Variants in PARM1 observed in about 807,000 individuals in gnomAD.
PARM1 encodes prostate androgen-regulated mucin-like protein 1.
Under a neutral mutation model 24.6 loss-of-function variants are expected in PARM1, and 14 were observed. The ratio of observed to expected loss-of-function variants is 0.57; its 90% CI spans 0.38 to 0.89. The LOEUF is 0.89. Ranked by LOEUF, PARM1 falls within the 40% of genes least tolerant of loss-of-function variation. The pLI is 0.00. For missense variants in PARM1, 362 were observed against 380.4 expected, an observed-to-expected ratio of 0.95 and a Z score of 0.40; for synonymous variants, 179 against 156.6, an observed-to-expected ratio of 1.14 and a Z score of -1.07.
Position 75,012,793 on chromosome 4 carries a change from C to T in PARM1, c.412C>T (p.Leu138=), listed in dbSNP as rs762585141. 2 of 1,614,020 alleles carry T rather than the reference C, an allele frequency of 1.2e-6. No homozygotes were observed. The highest frequency in any genetic ancestry group is 1.1e-5 in the South Asian group (1 of 91,078). Residue 138 remains leucine, a synonymous_variant, in exon 2 of 4, where the codon CTG becomes TTG. Coordinates refer to ENST00000307428, the MANE Select transcript of PARM1 (RefSeq NM_015393.4). ...GTPEAGVAAT[L]SQSAAEPPTL... ...TCCTGAAGCAGGCGTGGCAGCTACA[C>T]TGTCGCAGTCCGCTGCTGAGCCTCC...
intron 1 of PARM1, among the ~76,000 whole-genome samples, chr4:74,943,474 T>C (rs1169759065): frequency 1.3e-5 from 2 of 152,078 alleles, no homozygotes. Flanking sequence ...CAGGTGCTTA[T>C]GTCTAGTGCT....
chr4:75,042,575 C>G lies in PARM1; in HGVS notation c.849-3588C>G, dbSNP rs144026367. On this transcript the variant is annotated intron_variant, in intron 3 of 3. Transcript: ENST00000307428. ...TGGGAGTTGCTTTGTTTTTTGGTTT[C>G]TGATTGTCTTTTTTTTTTTAACCTC... Among the ~76,000 whole-genome samples the G allele has an allele frequency of 7.9e-3, 1,207 of 151,826 alleles. 17 individuals are homozygous for G. Among genetic ancestry groups the G allele is most frequent in the African/African-American group, 0.027 (1,128 of 41,446 alleles).
intron 1 of PARM1, among the ~76,000 whole-genome samples, chr4:74,993,554 C>T (rs1252888087): frequency 1.3e-5 from 2 of 152,092 alleles, no homozygotes; most frequent in African/African-American, 4.8e-5. Flanking sequence ...ACTGATACAT[C>T]AGGAGAAGTG....
intron 1 of PARM1, among the ~76,000 whole-genome samples, chr4:74,992,561 G>T (rs1165251880): frequency 6.6e-6 from 1 of 152,040 alleles, no homozygotes. Flanking sequence ...AATTTTTTAA[G>T]GCCAATGGGG....
intron 1 of PARM1, among the ~76,000 whole-genome samples, chr4:74,955,661 C>T (rs75913391): frequency 6.6e-6 from 1 of 152,140 alleles, no homozygotes; most frequent in Non-Finnish European, 1.5e-5. Context: ...TTTTTTGTGG[C>T]CGTAGCTTCC....
intron 3 of PARM1, among the ~76,000 whole-genome samples, chr4:75,037,635 A>C (rs1723398117): frequency 1.3e-5 from 2 of 152,150 alleles, no homozygotes; most frequent in Non-Finnish European, 2.9e-5. Flanking sequence ...AACTGCCCTG[A>C]ACCCAGGGCC....
intron 1 of PARM1, among the ~76,000 whole-genome samples, chr4:74,940,911 G>A (rs184134851): frequency 2.6e-5 from 4 of 152,332 alleles, no homozygotes; most frequent in Admixed American, 1.3e-4. Flanking sequence ...AATGTAATGT[G>A]TCTTATTAGG....
chr4:75,008,413 C>A lies in PARM1; in HGVS notation c.44-4012C>A, dbSNP rs537755058. On this transcript the variant is annotated intron_variant, in intron 1 of 3. Transcript: ENST00000307428. Reference sequence around the variant, plus strand: ...GATATTTCCAGCAACAAAACCAATTCTCAGAGCTTGTCATTTTCAGCACTG... The same window carrying A: ...GATATTTCCAGCAACAAAACCAATTATCAGAGCTTGTCATTTTCAGCACTG... 2.6e-5 allele frequency among the ~76,000 whole-genome samples: 4 copies of A among 152,328 alleles called. No homozygotes were observed. The East Asian group carries it at 7.7e-4, about 29-fold the overall frequency.
intron 1 of PARM1, chr4:74,993,953 G>A (rs1722524753): frequency 6.6e-6 from 1 of 152,098 alleles, no homozygotes; most frequent in Non-Finnish European, 1.5e-5. Flanking sequence ...CTAAGGAACA[G>A]ACAATAGAAG....
intron 2 of PARM1, among the ~76,000 whole-genome samples, chr4:75,025,619 C>A (rs1209453639): frequency 6.6e-6 from 1 of 152,170 alleles, no homozygotes; most frequent in Non-Finnish European, 1.5e-5. Context: ...TGCAAATGTG[C>A]GCTCCCCAGG....
intron 3 of PARM1, among the ~76,000 whole-genome samples, 197 bp from the exon 4 acceptor site, chr4:75,045,966 C>T (rs1371465614): frequency 9.2e-5 from 14 of 152,172 alleles, no homozygotes; most frequent in Admixed American, 6.5e-4. Flanking sequence ...AGGATCCTAG[C>T]AGGAAGAGTT....
chr4:74,938,845 C>CTT (rs1721245357), intron 1 of PARM1, among the ~76,000 whole-genome samples: 1 of 152,048 alleles, frequency 6.6e-6, no homozygotes, highest in Non-Finnish European at 1.5e-5. Flanking sequence ...TAATAGAAGT[C>CTT]TTTAAAATGA....
chr4:74,933,654 TG>T (rs1196616845), intron 1 of PARM1, among the ~76,000 whole-genome samples: 9 of 152,102 alleles, frequency 5.9e-5, no homozygotes, highest in African/African-American at 1.9e-4. Context: ...GAACCCAGAG[TG>T]GGCAACACGG....
At chr4:75,033,405 G>A (rs886141885) in intron 2 of PARM1, among the ~76,000 whole-genome samples, 4 of 151,712 alleles carry the variant, frequency 2.6e-5, no homozygotes, top group African/African-American at 9.7e-5. Flanking sequence ...TGAAAAAACC[G>A]AAAAAAACAT....
chr4:74,980,645 G>A (rs941746056), intron 1 of PARM1, among the ~76,000 whole-genome samples: 5 of 152,052 alleles, frequency 3.3e-5, no homozygotes, highest in Non-Finnish European at 5.9e-5. Flanking sequence ...AAAATAGCCC[G>A]TATAGCCAAG....
intron 3 of PARM1, among the ~76,000 whole-genome samples, chr4:75,035,502 T>G (rs1170982967): frequency 1.3e-5 from 2 of 152,074 alleles, no homozygotes; most frequent in East Asian, 3.9e-4. Flanking sequence ...TGTCCTTCCC[T>G]CCTGCTCTTG....
intron 1 of PARM1, among the ~76,000 whole-genome samples, chr4:74,998,451 T>C (rs911199081): frequency 1.3e-5 from 2 of 152,212 alleles, no homozygotes; most frequent in Admixed American, 1.3e-4. Flanking sequence ...TTATACAAAA[T>C]GAGGATTCAC....
chr4:75,026,700 TCCATTA>T (rs1407208827), intron 2 of PARM1, among the ~76,000 whole-genome samples: 1 of 152,170 alleles, frequency 6.6e-6, no homozygotes, highest in Non-Finnish European at 1.5e-5. Context: ...CTCCTTAATT[TCCATTA>T]CGCTTTCTTA....
chr4:75,040,307 T>C (rs1723457036), intron 3 of PARM1, among the ~76,000 whole-genome samples: 1 of 152,208 alleles, frequency 6.6e-6, no homozygotes, highest in African/African-American at 2.4e-5. Flanking sequence ...TCTGTGATGA[T>C]TGTCTTCCAA....
Sources: allele counts gnomAD v4.1 joint callset (sites outside exome capture counted in the v4.1 genomes callset), GRCh38; gene constraint gnomAD v4.1.1; transcripts MANE v1.5; gene names NCBI Gene and HGNC (gene_info 2026-07-23, HGNC 2026-07-21).